Variants in C10orf90 observed in about 807,000 individuals in gnomAD.
The protein encoded by C10orf90 is chromosome 10 open reading frame 90.
In C10orf90, 56 loss-of-function variants were observed where a neutral mutation model predicts 62.5. The ratio of observed to expected loss-of-function variants is 0.90; its 90% CI spans 0.72 to 1.12. C10orf90 has a LOEUF of 1.12. C10orf90 is among the 50% of genes most tolerant of loss of function. The pLI is 0.00. For synonymous variants in C10orf90, 386 were observed against 340.4 expected (o/e 1.13, Z -1.47); for missense variants, 970 against 880.4 (o/e 1.10, Z -1.29).
chr10:126,448,098 T>C (rs1590919134), intron 7 of C10orf90, among the ~76,000 whole-genome samples: 1 of 147,934 alleles, frequency 6.8e-6, no homozygotes, highest in Admixed American at 6.9e-5. Flanking sequence ...TATCGATCTC[T>C]TGACCTCATG....
chr10:126,566,850 A>G (rs866017813), intron 2 of C10orf90, among the ~76,000 whole-genome samples: 97 of 152,182 alleles, frequency 6.4e-4, no homozygotes, highest in African/African-American at 2.3e-3. Flanking sequence ...GGACTTGATG[A>G]TGGAGCACAC....
At chr10:126,651,717 T>G (rs955322684) in intron 1 of C10orf90, among the ~76,000 whole-genome samples, 1 of 152,144 alleles carries the variant, frequency 6.6e-6, no homozygotes, top group Admixed American at 6.5e-5. Flanking sequence ...CCACTAACTT[T>G]GCCTGTCTGG....
chr10:126,580,965 C>G (rs1844738683), intron 2 of C10orf90, among the ~76,000 whole-genome samples: 1 of 152,044 alleles, frequency 6.6e-6, no homozygotes, highest in Non-Finnish European at 1.5e-5. Context: ...ACAGTCATGA[C>G]TGACATCTAC....
intron 6 of C10orf90, among the ~76,000 whole-genome samples, chr10:126,459,439 G>C (rs1455502753): frequency 6.6e-6 from 1 of 152,250 alleles, no homozygotes; most frequent in African/African-American, 2.4e-5. Flanking sequence ...CAGCGCCGAG[G>C]CCCCTGCTGC....
intron 7 of C10orf90, among the ~76,000 whole-genome samples, chr10:126,442,266 A>G (rs1317741872): frequency 6.6e-6 from 1 of 151,462 alleles, no homozygotes; most frequent in African/African-American, 2.4e-5. Flanking sequence ...TTCTTACATC[A>G]GACAAAACAA....
At chr10:126,631,534 T>C (rs1210423106) in intron 2 of C10orf90, among the ~76,000 whole-genome samples, 1 of 152,058 alleles carries the variant, frequency 6.6e-6, no homozygotes, top group Non-Finnish European at 1.5e-5. Flanking sequence ...TGCTTGCCTT[T>C]CCTGAAGCAC....
At position 126,503,996 on chromosome 10, in the gene C10orf90, G is replaced by A. The variant is rs1404428009; in HGVS notation, c.1495C>T (p.Gln499Ter). 5 of 1,613,292 alleles carry A rather than the reference G, an allele frequency of 3.1e-6. No individual in the cohort carries two copies. Among genetic ancestry groups the A allele is most frequent in the Non-Finnish European group, 3.4e-6 (4 of 1,179,944 alleles). Residue 499 changes from glutamine (Q) to a stop codon, truncating the protein, a stop_gained, in exon 4 of 10, where the codon CAA becomes TAA. Coordinates refer to ENST00000488181, the MANE Select transcript of C10orf90 (RefSeq NM_001350921.2). LOFTEE classifies it high-confidence loss of function. ...THCHASDHAN[Q>*]LSIHIPGWSY... Reference sequence around the variant, plus strand: ...CAGCCAGGAATGTGAATGGACAGTTGGTTGGCATGATCGCTGGCGTGACAA... The same window carrying A: ...CAGCCAGGAATGTGAATGGACAGTTAGTTGGCATGATCGCTGGCGTGACAA...
chr10:126,607,720 G>T (rs1316664086), intron 2 of C10orf90, among the ~76,000 whole-genome samples: 1 of 152,090 alleles, frequency 6.6e-6, no homozygotes, highest in Non-Finnish European at 1.5e-5. Context: ...AACCAGTGCA[G>T]GATGTTATAA....
chr10:126,460,070 G>T (rs1413244298), intron 6 of C10orf90, among the ~76,000 whole-genome samples: 4 of 152,184 alleles, frequency 2.6e-5, no homozygotes, highest in Non-Finnish European at 5.9e-5. Context: ...TTCCTGCACT[G>T]CCTTTTATGG....
intron 2 of C10orf90, among the ~76,000 whole-genome samples, chr10:126,529,593 T>C (rs1864040110): frequency 6.6e-6 from 1 of 152,218 alleles, no homozygotes; most frequent in Non-Finnish European, 1.5e-5. Flanking sequence ...AATAGAATCA[T>C]ATTTTTCCCT....
intron 2 of C10orf90, among the ~76,000 whole-genome samples, chr10:126,529,509 A>C (rs963712710): frequency 2.6e-5 from 4 of 152,166 alleles, no homozygotes; most frequent in South Asian, 2.1e-4. Flanking sequence ...TAATTTTAAA[A>C]CCCCCCGTAA....
At chr10:126,577,691 A>C (rs1355896394) in intron 2 of C10orf90, among the ~76,000 whole-genome samples, 1 of 152,150 alleles carries the variant, frequency 6.6e-6, no homozygotes, top group East Asian at 1.9e-4. Context: ...TCAGGTGGAA[A>C]ATCCAGGTAA....
intron 8 of C10orf90, among the ~76,000 whole-genome samples, chr10:126,428,888 C>T (rs1387988944): frequency 4.6e-5 from 7 of 152,078 alleles, no homozygotes; most frequent in Admixed American, 4.6e-4. Context: ...CCCTTTTCCT[C>T]ATTTTCGCTT....
intron 1 of C10orf90, among the ~76,000 whole-genome samples, chr10:126,646,858 G>A (rs1211644990): frequency 6.6e-6 from 1 of 152,130 alleles, no homozygotes; most frequent in East Asian, 1.9e-4. Flanking sequence ...AAATGCACAG[G>A]AAAAGAGGGA....
intron 2 of C10orf90, among the ~76,000 whole-genome samples, chr10:126,542,894 T>C (rs1864409542): frequency 1.3e-5 from 2 of 152,232 alleles, no homozygotes; most frequent in Admixed American, 6.5e-5. Context: ...CAATGCCACA[T>C]GTGCCTCAAG....
At chr10:126,662,700 T>C (rs1846541447) in intron 1 of C10orf90, among the ~76,000 whole-genome samples, 1 of 152,228 alleles carries the variant, frequency 6.6e-6, no homozygotes, top group Admixed American at 6.5e-5. Context: ...ATAAAGAATG[T>C]GCCCAGAGGT....
chr10:126,442,623 T>TTG lies in C10orf90; in HGVS notation c.2189-12775_2189-12774dup, dbSNP rs1282867966. Among the ~76,000 whole-genome samples the TTG allele has an allele frequency of 5.0e-3, 567 of 113,268 alleles. 3 individuals carry two copies. Among genetic ancestry groups the TTG allele is most frequent in the African/African-American group, 6.5e-3 (174 of 26,884 alleles). 74.3% of individuals were successfully genotyped at this position (113,268 alleles called of 152,430 possible). ...GGAATATTGAAGTTCCCTACTATTA[T>TTG]TGTGTGTGTGTATATATATATATAT... On this transcript the variant is annotated intron_variant, in intron 7 of 9. Transcript: ENST00000488181.
intron 3 of C10orf90, among the ~76,000 whole-genome samples, chr10:126,510,531 A>T (rs559191384): frequency 6.6e-6 from 1 of 152,246 alleles, no homozygotes; most frequent in African/African-American, 2.4e-5. Flanking sequence ...ATTTAAAAGG[A>T]GGATGAAAAT....
intron 3 of C10orf90, among the ~76,000 whole-genome samples, chr10:126,510,820 A>C (rs917177263): frequency 6.6e-6 from 1 of 152,238 alleles, no homozygotes; most frequent in African/African-American, 2.4e-5. Flanking sequence ...GAAGGGCATA[A>C]TTTCATAAAT....
Sources: allele counts gnomAD v4.1 joint callset (sites outside exome capture counted in the v4.1 genomes callset), GRCh38; gene constraint gnomAD v4.1.1; transcripts MANE v1.5; gene names NCBI Gene and HGNC (gene_info 2026-07-23, HGNC 2026-07-21).